DIS3L2: variants seen among roughly 807,000 people sequenced by gnomAD.
DIS3L2 encodes the protein DIS3-like exonuclease 2.
DIS3L2 carries 34 observed loss-of-function variants against 97.5 expected under a neutral mutation model. That is an observed-to-expected ratio of 0.35 (90% CI 0.27 to 0.46). DIS3L2 has a LOEUF of 0.46. DIS3L2 is among the 20% of genes least tolerant of loss of function. The probability of loss-of-function intolerance (pLI) is 1.00; values close to 1 mark genes in which losing one functional copy is unlikely to be tolerated. For synonymous variants in DIS3L2, 435 were observed against 445.2 expected, an observed-to-expected ratio of 0.98 and a Z score of 0.29; for missense variants, 1,038 against 1,146.0, an observed-to-expected ratio of 0.91 and a Z score of 1.36.
intron 9 of DIS3L2, among the ~76,000 whole-genome samples, chr2:232,199,930 A>G (rs1305271242): frequency 2.0e-5 from 3 of 152,196 alleles, no homozygotes; most frequent in African/African-American, 7.2e-5. Flanking sequence ...AAATGGGCCT[A>G]ATGTTTTTCA....
At chr2:232,316,326 T>A (rs1191899619) in intron 14 of DIS3L2, among the ~76,000 whole-genome samples, 1 of 152,142 alleles carries the variant, frequency 6.6e-6, no homozygotes, top group Non-Finnish European at 1.5e-5. Flanking sequence ...TGTTCTTTAA[T>A]GGGGTCCCCT....
At chr2:232,106,726 T>C (rs1346275458) in intron 6 of DIS3L2, among the ~76,000 whole-genome samples, 2 of 152,232 alleles carry the variant, frequency 1.3e-5, no homozygotes, top group Non-Finnish European at 2.9e-5. Flanking sequence ...ATTCAGGACC[T>C]GAACTCAGCT....
At chr2:232,254,380 G>GA (rs1028316263) in intron 12 of DIS3L2, among the ~76,000 whole-genome samples, 13 of 152,114 alleles carry the variant, frequency 8.5e-5, no homozygotes, top group African/African-American at 2.9e-4. Context: ...ATGCATAGGG[G>GA]AAAAAATGAA....
At chr2:232,249,530 G>C (rs905400459) in intron 12 of DIS3L2, among the ~76,000 whole-genome samples, 184 bp downstream of exon 12, 1 of 152,216 alleles carries the variant, frequency 6.6e-6, no homozygotes, top group African/African-American at 2.4e-5. Context: ...CCACTTAGAA[G>C]CCAAGACTGA....
At chr2:232,071,554 T>C (rs1696019153) in intron 5 of DIS3L2, among the ~76,000 whole-genome samples, 2 of 151,712 alleles carry the variant, frequency 1.3e-5, no homozygotes, top group Non-Finnish European at 2.9e-5. Context: ...AAACCTGTTA[T>C]TGAGCTGGTG....
chr2:232,130,180 ATGGCTG>A (rs1402151802), intron 6 of DIS3L2, among the ~76,000 whole-genome samples: 1 of 152,130 alleles, frequency 6.6e-6, no homozygotes, highest in African/African-American at 2.4e-5. Context: ...TTTGTTTGTT[ATGGCTG>A]GTACCAAAGT....
chr2:231,983,642 G>A (rs1390566620), intron 1 of DIS3L2, among the ~76,000 whole-genome samples: 2 of 152,138 alleles, frequency 1.3e-5, no homozygotes, highest in African/African-American at 4.8e-5. Flanking sequence ...TGTAATCCCA[G>A]CACTTTGGGA....
At chr2:232,029,646 C>T (rs1333094021) in intron 4 of DIS3L2, among the ~76,000 whole-genome samples, 1 of 152,008 alleles carries the variant, frequency 6.6e-6, no homozygotes, top group Non-Finnish European at 1.5e-5. Context: ...GTCTCTCTGC[C>T]ACTTTCTTGG....
intron 10 of DIS3L2, among the ~76,000 whole-genome samples, chr2:232,233,835 T>G (rs147228083): frequency 9.8e-5 from 15 of 152,334 alleles, no homozygotes; most frequent in Non-Finnish European, 1.6e-4. Flanking sequence ...AAAGAGCTTG[T>G]TCATCTAATT....
chr2:232,042,505 G>A (rs980369872), intron 5 of DIS3L2, among the ~76,000 whole-genome samples: 1 of 152,058 alleles, frequency 6.6e-6, no homozygotes, highest in Non-Finnish European at 1.5e-5. Flanking sequence ...CAAGATCTTC[G>A]GAGCCTCCAT....
At chr2:232,342,300 CAT>C (rs1199674733) in intron 13 of DIS3L2, among the ~76,000 whole-genome samples, 5 of 151,738 alleles carry the variant, frequency 3.3e-5, no homozygotes, top group Admixed American at 2.6e-4. Context: ...CATATATACA[CAT>C]ATATACATAT....
At chr2:232,315,326 C>CCTG (rs1166086292) in intron 14 of DIS3L2, among the ~76,000 whole-genome samples, 1 of 152,232 alleles carries the variant, frequency 6.6e-6, no homozygotes, top group Non-Finnish European at 1.5e-5. Context: ...AGAGCCCAGG[C>CCTG]TCAGGCCACA....
intron 10 of DIS3L2, among the ~76,000 whole-genome samples, chr2:232,225,720 C>A (rs1045055127): frequency 1.3e-5 from 2 of 151,320 alleles, no homozygotes; most frequent in Admixed American, 1.3e-4. Context: ...GTATTTCATG[C>A]CTTAATAAAA....
intron 10 of DIS3L2, among the ~76,000 whole-genome samples, chr2:232,218,803 G>T (rs748390485): frequency 6.6e-6 from 1 of 152,042 alleles, no homozygotes; most frequent in Admixed American, 6.5e-5. Context: ...TCTTTCCTAC[G>T]TGGCACGCAC....
intron 9 of DIS3L2, among the ~76,000 whole-genome samples, chr2:232,166,038 A>G (rs1208362679): frequency 6.6e-6 from 1 of 151,490 alleles, no homozygotes; most frequent in Non-Finnish European, 1.5e-5. Context: ...TTTAGACCAT[A>G]GAATAAGAGG....
chr2:232,325,600 C>T lies in DIS3L2; in HGVS notation c.1740-4213C>T, dbSNP rs551035199. Among the ~76,000 whole-genome samples the T allele has an allele frequency of 6.6e-6, 1 of 152,190 alleles. No homozygotes were observed. The highest frequency in any genetic ancestry group is 1.5e-5 in the Non-Finnish European group (1 of 68,034). On this transcript the variant is annotated intron_variant, in intron 14 of 20. Coordinates refer to ENST00000325385, the MANE Select transcript of DIS3L2 (RefSeq NM_152383.5). This position sits in a 1 kb window ranked among gnomAD's most constrained non-coding sequence, Gnocchi z 4.6. ...CCCTGCAGCCACTGTCACAGCACAG[C>T]CCCACCCCAGACCTCCAGAGTGGTG...
At chr2:232,057,394 G>A (rs561923781) in intron 5 of DIS3L2, among the ~76,000 whole-genome samples, 14 of 152,126 alleles carry the variant, frequency 9.2e-5, no homozygotes, top group Non-Finnish European at 1.9e-4. Context: ...CGCAATTTTG[G>A]GCAGAGGTAA....
At chr2:232,038,704 A>G in intron 5 of DIS3L2, among the ~76,000 whole-genome samples, 1 of 152,176 alleles carries the variant, frequency 6.6e-6, no homozygotes, top group East Asian at 1.9e-4. Flanking sequence ...GAAGTCTAAG[A>G]CGATGGGGTA....
chr2:232,302,231 C>A (rs1694875700), intron 14 of DIS3L2, among the ~76,000 whole-genome samples: 2 of 150,412 alleles, frequency 1.3e-5, no homozygotes, highest in South Asian at 4.2e-4. Flanking sequence ...ACACCGGGGC[C>A]TGTAGTGGAG....
Sources: allele counts gnomAD v4.1 joint callset (sites outside exome capture counted in the v4.1 genomes callset), GRCh38; gene constraint gnomAD v4.1.1; non-coding constraint Gnocchi (gnomAD v3.1); transcripts MANE v1.5; gene names NCBI Gene and HGNC (gene_info 2026-07-23, HGNC 2026-07-21).